The following QKI variants were observed in gnomAD, a reference collection of about 807,000 sequenced individuals.
QKI encodes QKI, KH domain containing RNA binding, also known as KH domain-containing RNA-binding protein QKI.
A neutral mutation model predicts 39.0 loss-of-function variants in QKI; 10 were observed. The observed-to-expected ratio is 0.26, with a 90% CI of 0.16 to 0.43. The LOEUF (loss-of-function observed/expected upper bound fraction) is 0.43, where lower values mean the gene tolerates loss of function less well. Among genes scored for constraint, QKI ranks in the 20% least tolerant of loss-of-function variants. The pLI, the probability that QKI is intolerant of heterozygous loss-of-function variation, is 1.00. For synonymous variants in QKI, 204 were observed against 155.4 expected (o/e 1.31, Z -2.33); for missense variants, 218 against 428.0 (o/e 0.51, Z 4.33).
At chr6:163,559,552 A>G (rs1385058924) in intron 4 of QKI, among the ~76,000 whole-genome samples, 2 of 152,164 alleles carry the variant, frequency 1.3e-5, no homozygotes, top group Non-Finnish European at 2.9e-5. Context: ...CTTTTTGTTC[A>G]TCTTTGTACA....
chr6:163,418,411 C>T (rs1787713859), intron 1 of QKI, among the ~76,000 whole-genome samples: 1 of 152,050 alleles, frequency 6.6e-6, no homozygotes, highest in African/African-American at 2.4e-5. Context: ...ATTTTAATTC[C>T]TTGCCAAGTT....
chr6:163,420,292 CT>C (rs953992392), intron 1 of QKI, among the ~76,000 whole-genome samples: 1 of 148,308 alleles, frequency 6.7e-6, no homozygotes, highest in African/African-American at 2.5e-5. Context: ...GTTTAATTTA[CT>C]TGAGAAATTC....
intron 1 of QKI, among the ~76,000 whole-genome samples, chr6:163,443,642 C>T (rs1055774606): frequency 6.6e-6 from 1 of 152,190 alleles, no homozygotes; most frequent in African/African-American, 2.4e-5. Context: ...CTGTGAATGT[C>T]TTTTGACATG....
intron 4 of QKI, among the ~76,000 whole-genome samples, chr6:163,554,626 T>C (rs1055876147): frequency 5.3e-5 from 8 of 152,234 alleles, no homozygotes; most frequent in Non-Finnish European, 1.0e-4. Context: ...GAACTTCTGA[T>C]TCCATATTCC....
intron 1 of QKI, among the ~76,000 whole-genome samples, chr6:163,417,017 A>C (rs1787569738): frequency 1.3e-5 from 2 of 152,248 alleles, no homozygotes; most frequent in African/African-American, 4.8e-5. Flanking sequence ...GTTGGAACAA[A>C]ATGTGTAACA....
At chr6:163,524,914 TCTGA>T (rs991003205) in intron 3 of QKI, among the ~76,000 whole-genome samples, 4 of 152,170 alleles carry the variant, frequency 2.6e-5, no homozygotes, top group Non-Finnish European at 2.9e-5. Flanking sequence ...TCATTGTAGC[TCTGA>T]GATGTAAGTA....
intron 3 of QKI, among the ~76,000 whole-genome samples, chr6:163,485,776 G>A (rs1777630640): frequency 6.6e-6 from 1 of 152,190 alleles, no homozygotes; most frequent in Admixed American, 6.5e-5. Context: ...TGCTCAAAAT[G>A]AAGGGATGTG....
At chr6:163,488,105 C>G (rs1328710616) in intron 3 of QKI, among the ~76,000 whole-genome samples, 1 of 152,132 alleles carries the variant, frequency 6.6e-6, no homozygotes, top group Admixed American at 6.5e-5. Flanking sequence ...TTATATGTTT[C>G]CGTTCATTGA....
intron 7 of QKI, chr6:163,570,376 T>C (rs538222779): frequency 1.0e-6 from 1 of 984,016 alleles, no homozygotes; most frequent in African/African-American, 1.7e-5. Flanking sequence ...TTTTTCAATT[T>C]CCTTCATTGA....
chr6:163,463,144 T>C (rs1157030710), intron 2 of QKI, among the ~76,000 whole-genome samples: 1 of 151,986 alleles, frequency 6.6e-6, no homozygotes, highest in East Asian at 1.9e-4. Flanking sequence ...ATAAACTGAG[T>C]ACTAAACATT....
chr6:163,557,527 A>C (rs1431671766), intron 4 of QKI, among the ~76,000 whole-genome samples: 1 of 152,036 alleles, frequency 6.6e-6, no homozygotes, highest in Non-Finnish European at 1.5e-5. Flanking sequence ...ATGGTTCCAG[A>C]GGCTGGGAAG....
chr6:163,560,019 A>G (rs1782898431), intron 4 of QKI, among the ~76,000 whole-genome samples: 1 of 152,180 alleles, frequency 6.6e-6, no homozygotes, highest in Admixed American at 6.5e-5. Flanking sequence ...ACCCTCATCT[A>G]CTGCTTGCTT....
intron 3 of QKI, among the ~76,000 whole-genome samples, chr6:163,485,473 T>C (rs910718993): frequency 2.0e-5 from 3 of 152,172 alleles, no homozygotes; most frequent in Admixed American, 1.3e-4. Flanking sequence ...AAGTAGTACA[T>C]TGAAGTTCAC....
At chr6:163,462,834 G>A (rs1791451016) in intron 2 of QKI, among the ~76,000 whole-genome samples, 1 of 152,142 alleles carries the variant, frequency 6.6e-6, no homozygotes, top group African/African-American at 2.4e-5. Flanking sequence ...AATGGCAGTT[G>A]AAATGAAAAG....
At chr6:163,537,455 TA>T (rs1781272577) in intron 4 of QKI, among the ~76,000 whole-genome samples, 1 of 152,218 alleles carries the variant, frequency 6.6e-6, no homozygotes, top group Non-Finnish European at 1.5e-5. Flanking sequence ...AAATGCAACA[TA>T]AGGCTCATTA....
chr6:163,537,201 G>T (rs1781258497), intron 4 of QKI, among the ~76,000 whole-genome samples: 1 of 152,084 alleles, frequency 6.6e-6, no homozygotes, highest in African/African-American at 2.4e-5. Context: ...CTGTCCCTTA[G>T]GGGGGAAAAG....
At chr6:163,521,713 G>T (rs1780172541) in intron 3 of QKI, among the ~76,000 whole-genome samples, 2 of 152,016 alleles carry the variant, frequency 1.3e-5, no homozygotes, top group African/African-American at 2.4e-5. Context: ...AGTAGACAGG[G>T]TTTCACCATG....
chr6:163,520,734 A>T (rs1780101693), intron 3 of QKI, among the ~76,000 whole-genome samples: 1 of 152,208 alleles, frequency 6.6e-6, no homozygotes. Context: ...TCTTACCCAA[A>T]GGAAGTGAAA....
rs1349488344 is a variant in QKI, at chr6:163,515,827, T to A, written c.403-19155T>A. ...TGGCATAGGTAATTAGTGACTGTTT[T>A]CTATTTAAGATACAAAATAAGTCCA... is the stretch of plus-strand genomic sequence containing the variant. On this transcript the variant is annotated intron_variant, in intron 3 of 7. Transcript: ENST00000361752. Among the ~76,000 whole-genome samples the A allele has an allele frequency of 2.0e-5, 3 of 152,188 alleles. 1 individual carries two copies. In the East Asian group the frequency reaches 5.8e-4, roughly 29 times the overall value.
Sources: allele counts gnomAD v4.1 joint callset (sites outside exome capture counted in the v4.1 genomes callset), GRCh38; gene constraint gnomAD v4.1.1; transcripts MANE v1.5; gene names NCBI Gene and HGNC (gene_info 2026-07-23, HGNC 2026-07-21).